FLRT1: variants seen among roughly 807,000 people sequenced by gnomAD.
FLRT1 encodes the protein fibronectin leucine rich transmembrane protein 1, also known as leucine-rich repeat transmembrane protein FLRT1.
In FLRT1, 14 loss-of-function variants were observed where a neutral mutation model predicts 30.9. That is an observed-to-expected ratio of 0.45 (90% confidence interval 0.30 to 0.71). FLRT1 has a LOEUF of 0.71. Ranked by LOEUF, FLRT1 falls within the 30% of genes least tolerant of loss-of-function variation. The pLI is 0.08. For missense variants in FLRT1, 737 were observed against 949.2 expected (o/e 0.78, Z 2.94); for synonymous variants, 368 against 430.4 (o/e 0.85, Z 1.80).
chr11:64,118,316 G>A lies in FLRT1; in HGVS notation c.*24G>A, dbSNP rs767651641. ...GATGCCCGCCCACCCGGGCTGCCCC[G>A]CCTCAGCCCCAGCTGCCCTGGCGTG... On this transcript the variant is annotated 3_prime_UTR_variant, in exon 3 of 3. Transcript: ENST00000682287. 6 of 1,530,134 alleles carry A rather than the reference G, an allele frequency of 3.9e-6. No homozygotes were observed. Among genetic ancestry groups the A allele is most frequent in the Admixed American group, 2.0e-5 (1 of 50,764 alleles). The allele number at this position is 1,530,134 out of a possible 1,614,324, so 94.8% of individuals were successfully genotyped here. A position where few individuals can be genotyped will look rare whatever the true frequency, so the allele number is the denominator to read the frequency against.
intron 1 of FLRT1, among the ~76,000 whole-genome samples, chr11:64,085,594 C>T (rs1258181029): frequency 6.6e-6 from 1 of 152,228 alleles, no homozygotes; most frequent in Non-Finnish European, 1.5e-5. Flanking sequence ...CAGGCCGCAG[C>T]GTGGGCCAGC....
At chr11:64,054,761 C>G (rs567509127) in intron 1 of FLRT1, among the ~76,000 whole-genome samples, 1 of 152,258 alleles carries the variant, frequency 6.6e-6, no homozygotes, top group Non-Finnish European at 1.5e-5. Flanking sequence ...ACCTGGCCAG[C>G]CCCTTCCTGC....
At chr11:64,051,643 G>A (rs1425678368) in intron 1 of FLRT1, among the ~76,000 whole-genome samples, 1 of 152,232 alleles carries the variant, frequency 6.6e-6, no homozygotes, top group African/African-American at 2.4e-5. Context: ...GCTGGTGGCA[G>A]TGTGTACATC....
At chr11:64,070,311 AT>A (rs1944083292) in intron 1 of FLRT1, among the ~76,000 whole-genome samples, 1 of 152,082 alleles carries the variant, frequency 6.6e-6, no homozygotes, top group African/African-American at 2.4e-5. Flanking sequence ...GAGCCTCCTC[AT>A]GTTCCCTGGG....
intron 1 of FLRT1, among the ~76,000 whole-genome samples, chr11:64,095,205 T>C (rs531564797): frequency 1.3e-5 from 2 of 152,324 alleles, no homozygotes; most frequent in Middle Eastern, 3.4e-3. Flanking sequence ...TTATTTAAAA[T>C]AGTCTCTCTT....
rs535997885 is a variant in FLRT1 at position 64,065,677 on chromosome 11, C to G, written c.-1038+29518C>G. 2.0e-5 allele frequency among the ~76,000 whole-genome samples: 3 copies of G among 151,622 alleles called. No individual in the cohort carries two copies. In the East Asian group the frequency reaches 5.9e-4, roughly 30 times the overall value. On this transcript the variant is annotated intron_variant, in intron 1 of 2. Transcript: ENST00000682287. ...TGGTGGCGGCCGCCTGTAGTCCCAG[C>G]TACTTGGGAGGCTGAGGCAGGAGAA...
chr11:64,113,746 A>C (rs1652267130), intron 2 of FLRT1, among the ~76,000 whole-genome samples: 1 of 143,032 alleles, frequency 7.0e-6, no homozygotes, highest in South Asian at 2.3e-4. Flanking sequence ...TGATGGATGG[A>C]TGGATGGACG....
chr11:64,118,571 T>C lies in FLRT1; in HGVS notation c.*279T>C, dbSNP rs760797014. 5.5e-6 allele frequency: 2 copies of C among 366,310 alleles called. No individual in the cohort carries two copies. The highest frequency in any genetic ancestry group is 1.0e-5 in the Non-Finnish European group (2 of 195,708). The allele number at this position is 366,310 out of a possible 1,614,324, so 22.7% of individuals were successfully genotyped here. ...TTGGGGAGGGAAGGACTAAAAATAA[T>C]ATTGCAGGCAGGGCTGGGTTGGGTT... On this transcript the variant is annotated 3_prime_UTR_variant, in exon 3 of 3. Coordinates refer to ENST00000682287, the MANE Select transcript of FLRT1 (RefSeq NM_013280.5).
At chr11:64,105,214 T>C (rs769744810) in intron 2 of FLRT1, among the ~76,000 whole-genome samples, 31 of 152,322 alleles carry the variant, frequency 2.0e-4, no homozygotes, top group Admixed American at 1.3e-3. Context: ...GAGCCGGAGC[T>C]GGGCTGGCTG....
At chr11:64,092,369 C>T (rs1273615479) in intron 1 of FLRT1, among the ~76,000 whole-genome samples, 1 of 152,194 alleles carries the variant, frequency 6.6e-6, no homozygotes, top group African/African-American at 2.4e-5. Flanking sequence ...GAAAGAGGTG[C>T]TGGGCCTGGC....
chr11:64,111,111 T>C (rs2134592772), intron 2 of FLRT1, among the ~76,000 whole-genome samples: 1 of 152,364 alleles, frequency 6.6e-6, no homozygotes, highest in Non-Finnish European at 1.5e-5. Context: ...TGCTGAGGCC[T>C]CTGAAGGCTG....
At chr11:64,046,909 A>C (rs1320606451) in intron 1 of FLRT1, among the ~76,000 whole-genome samples, 1 of 152,160 alleles carries the variant, frequency 6.6e-6, no homozygotes, top group Non-Finnish European at 1.5e-5. Flanking sequence ...AAAACACTTG[A>C]ATTCAGTCAA....
At chr11:64,063,915 G>C (rs1229328968) in intron 1 of FLRT1, among the ~76,000 whole-genome samples, 3 of 152,208 alleles carry the variant, frequency 2.0e-5, no homozygotes, top group Admixed American at 2.0e-4. Flanking sequence ...GCCCTCCCCA[G>C]TGAGCTGCGG....
chr11:64,062,417 C>T lies in FLRT1; in HGVS notation c.-1038+26258C>T, dbSNP rs937882921. Among the ~76,000 whole-genome samples, 5 of 152,194 alleles carry T rather than the reference C, an allele frequency of 3.3e-5. No homozygotes were observed. In the South Asian group the frequency reaches 1.0e-3, roughly 31 times the overall value. On this transcript the variant is annotated intron_variant, in intron 1 of 2. Transcript: ENST00000682287. ...TTATGTCTGCCTAGCCCTCTGCCCA[C>T]ACCCTGGAACCAACTGGGCATAGGC... is the stretch of plus-strand genomic sequence containing the variant.
At chr11:64,114,105 T>A (rs950875785) in intron 2 of FLRT1, among the ~76,000 whole-genome samples, 1 of 150,044 alleles carries the variant, frequency 6.7e-6, no homozygotes, top group Non-Finnish European at 1.5e-5. Flanking sequence ...GACAGGTGGA[T>A]GCATGGATGG....
At chr11:64,081,756 G>GT (rs1944308337) in intron 1 of FLRT1, 2 of 152,134 alleles carry the variant, frequency 1.3e-5, no homozygotes, top group African/African-American at 4.8e-5. Flanking sequence ...CCAACTCCAG[G>GT]TCCAGAGCCG....
At chr11:64,078,850 C>T (rs940022490) in intron 1 of FLRT1, among the ~76,000 whole-genome samples, 1 of 152,112 alleles carries the variant, frequency 6.6e-6, no homozygotes, top group Non-Finnish European at 1.5e-5. Flanking sequence ...ACATAGCTGG[C>T]CGTGGAGACT....
At chr11:64,086,796 C>T (rs1462912214) in intron 1 of FLRT1, 1 of 152,256 alleles carries the variant, frequency 6.6e-6, no homozygotes. Context: ...GACGTGAGCC[C>T]TCATCCGCTC....
In FLRT1 at chr11:64,064,146, A is replaced by T. The variant is rs890534928; in HGVS notation, c.-1038+27987A>T. Among the ~76,000 whole-genome samples the T allele has an allele frequency of 2.0e-5, 3 of 152,112 alleles. No homozygotes were observed. The highest frequency in any genetic ancestry group is 4.8e-5 in the African/African-American group (2 of 41,414). On this transcript the variant is annotated intron_variant, in intron 1 of 2. Transcript: ENST00000682287. This position sits in a 1 kb window ranked among gnomAD's most constrained non-coding sequence, Gnocchi z 4.5. ...GGTCTCTCCCACTCTCCCTTTCAGCATCTTCTCTCTCTTGTCTTCTGAGGA... is the reference window on the plus strand; with the variant it reads ...GGTCTCTCCCACTCTCCCTTTCAGCTTCTTCTCTCTCTTGTCTTCTGAGGA...
Sources: allele counts gnomAD v4.1 joint callset (sites outside exome capture counted in the v4.1 genomes callset), GRCh38; gene constraint gnomAD v4.1.1; non-coding constraint Gnocchi (gnomAD v3.1); transcripts MANE v1.5; gene names NCBI Gene and HGNC (gene_info 2026-07-23, HGNC 2026-07-21).